ATP13A4: variants seen among roughly 807,000 people sequenced by gnomAD.
ATP13A4 encodes ATPase 13A4.
Under a neutral mutation model 142.5 loss-of-function variants are expected in ATP13A4, and 114 were observed. That is an observed-to-expected ratio of 0.80 (90% CI 0.69 to 0.93). ATP13A4 has a LOEUF of 0.93. Ranked by LOEUF, ATP13A4 falls within the 40% of genes least tolerant of loss-of-function variation. The pLI, the probability that ATP13A4 is intolerant of heterozygous loss-of-function variation, is 0.00. For synonymous variants in ATP13A4, 488 were observed against 514.8 expected (o/e 0.95, Z 0.70); for missense variants, 1,392 against 1,454.0 (o/e 0.96, Z 0.69).
chr3:193,543,179 A>AAT (rs71179309), intron 1 of ATP13A4, among the ~76,000 whole-genome samples: 3 of 151,458 alleles, frequency 2.0e-5, no homozygotes, highest in Non-Finnish European at 4.4e-5. Context: ...AAAAAAAAAA[A>AAT]GCCTAGAAGA....
intron 18 of ATP13A4, 151 bp from the exon 19 acceptor site, chr3:193,442,707 A>C: frequency 1.3e-6 from 1 of 767,652 alleles, no homozygotes; most frequent in Admixed American, 2.3e-5. Flanking sequence ...ACCTTCTGTG[A>C]CTCCATGATC....
intron 23 of ATP13A4, among the ~76,000 whole-genome samples, chr3:193,437,968 A>T (rs2108620273): frequency 6.6e-6 from 1 of 151,094 alleles, no homozygotes; most frequent in Admixed American, 6.6e-5. Context: ...AGTAGCTGGG[A>T]CTGCAGGAGC....
chr3:193,519,236 T>C (rs549502186), intron 1 of ATP13A4, among the ~76,000 whole-genome samples: 1 of 152,290 alleles, frequency 6.6e-6, no homozygotes, highest in African/African-American at 2.4e-5. Flanking sequence ...AAAAGAGGAT[T>C]GACACTTAAT....
rs142239303 is a variant in ATP13A4, at chr3:193,547,627, G to A, written c.60+7113C>T. ...TTGTTCCTTCTTCTGTGTTCCCACA[G>A]TTCTGTATGCATAGCTCTCAATATG... On this transcript the variant is annotated intron_variant, in intron 1 of 29. Transcript: ENST00000342695. Among the ~76,000 whole-genome samples the A allele has an allele frequency of 7.3e-4, 111 of 152,280 alleles. 1 individual carries two copies. In the East Asian group the frequency reaches 0.019, roughly 27 times the overall value.
At chr3:193,590,448 A>T (rs1364579128) in intron 1 of ATP13A4, among the ~76,000 whole-genome samples, 1 of 152,098 alleles carries the variant, frequency 6.6e-6, no homozygotes, top group African/African-American at 2.4e-5. Context: ...AAGTCATAAG[A>T]TTTGTGAGTT....
intron 1 of ATP13A4, among the ~76,000 whole-genome samples, chr3:193,586,440 A>G (rs912007152): frequency 1.3e-5 from 2 of 152,216 alleles, no homozygotes; most frequent in Non-Finnish European, 2.9e-5. Flanking sequence ...ATTTTCTTCA[A>G]TAAGCTTCAT....
intron 2 of ATP13A4, among the ~76,000 whole-genome samples, chr3:193,570,451 C>A (rs972690937): frequency 6.6e-6 from 1 of 152,088 alleles, no homozygotes; most frequent in African/African-American, 2.4e-5. Flanking sequence ...ATCATTAGAA[C>A]CATGTATGAC....
chr3:193,536,936 G>T (rs1722619152), intron 1 of ATP13A4, among the ~76,000 whole-genome samples: 1 of 151,824 alleles, frequency 6.6e-6, no homozygotes, highest in Non-Finnish European at 1.5e-5. Flanking sequence ...AACTATAAAA[G>T]GCTTATGAGA....
intron 1 of ATP13A4, chr3:193,593,016 C>CT (rs1394795706): frequency 3.5e-6 from 1 of 283,728 alleles, no homozygotes; most frequent in East Asian, 6.1e-5. Flanking sequence ...GGCCAAATCT[C>CT]TAACCTGCAA....
intron 1 of ATP13A4, among the ~76,000 whole-genome samples, chr3:193,591,717 G>T (rs1054438968): frequency 2.0e-5 from 3 of 152,134 alleles, no homozygotes; most frequent in Non-Finnish European, 4.4e-5. Flanking sequence ...TAAAACATAT[G>T]ATAACCATAT....
At chr3:193,483,622 GC>G (rs1159587668) in intron 8 of ATP13A4, among the ~76,000 whole-genome samples, 1 of 151,804 alleles carries the variant, frequency 6.6e-6, no homozygotes, top group Non-Finnish European at 1.5e-5. Flanking sequence ...TCGCCACCAC[GC>G]CCGGCTAATT....
intron 3 of ATP13A4, among the ~76,000 whole-genome samples, chr3:193,496,946 A>T (rs1720271350): frequency 1.3e-5 from 2 of 152,100 alleles, no homozygotes; most frequent in Non-Finnish European, 2.9e-5. Flanking sequence ...TAAATGGAAG[A>T]TGGGAAATGA....
At chr3:193,524,886 C>A (rs1438338901) in intron 1 of ATP13A4, among the ~76,000 whole-genome samples, 1 of 152,150 alleles carries the variant, frequency 6.6e-6, no homozygotes, top group Admixed American at 6.5e-5. Flanking sequence ...TCAGATCTCA[C>A]CTCCCTGACC....
intron 21 of ATP13A4, among the ~76,000 whole-genome samples, chr3:193,439,922 T>C (rs1716522742): frequency 6.6e-6 from 1 of 152,098 alleles, no homozygotes; most frequent in Non-Finnish European, 1.5e-5. Flanking sequence ...GTCGGAGTCA[T>C]GTTGTTGTGA....
At chr3:193,459,047 AGC>A (rs1717796697) in intron 14 of ATP13A4, 32 bp downstream of exon 14, 1 of 1,613,080 alleles carries the variant, frequency 6.2e-7, no homozygotes, top group Non-Finnish European at 8.5e-7. Flanking sequence ...GCATTGAAGA[AGC>A]TTCTCAGATT....
At chr3:193,504,908 A>C (rs1199126043) in intron 2 of ATP13A4, among the ~76,000 whole-genome samples, 2 of 152,068 alleles carry the variant, frequency 1.3e-5, no homozygotes, top group Admixed American at 1.3e-4. Context: ...GCAGTTTCAT[A>C]ATTTTCATAT....
chr3:193,568,369 C>G (rs931218803), intron 2 of ATP13A4, among the ~76,000 whole-genome samples: 2 of 152,160 alleles, frequency 1.3e-5, no homozygotes, highest in African/African-American at 4.8e-5. Context: ...AATGCAAAAG[C>G]TTTCATCTAA....
chr3:193,570,844 G>A (rs1724245340), intron 2 of ATP13A4, among the ~76,000 whole-genome samples: 1 of 152,158 alleles, frequency 6.6e-6, no homozygotes. Flanking sequence ...CTCCCATGAG[G>A]ATGGTTGCTA....
chr3:193,538,444 AG>A (rs1209864159), intron 1 of ATP13A4, among the ~76,000 whole-genome samples: 2 of 151,688 alleles, frequency 1.3e-5, no homozygotes, highest in Non-Finnish European at 2.9e-5. Context: ...AACAGAGGGC[AG>A]GCAAGGGAAA....
Sources: gnomAD v4.1 joint callset for allele counts (sites outside exome capture counted in the v4.1 genomes callset) on GRCh38, gnomAD v4.1.1 for gene constraint, MANE v1.5 for transcripts, NCBI Gene and HGNC (gene_info 2026-07-23, HGNC 2026-07-21) for gene names.